SUGCT: variants seen among roughly 807,000 people sequenced by gnomAD.
SUGCT encodes succinyl-CoA:glutarate CoA-transferase.
SUGCT carries 41 observed loss-of-function variants against 55.0 expected under a neutral mutation model. The observed-to-expected ratio is 0.74, with a 90% CI of 0.58 to 0.97. The LOEUF (loss-of-function observed/expected upper bound fraction) is 0.97, where lower values mean the gene tolerates loss of function less well. Among genes scored for constraint, SUGCT ranks in the 50% least tolerant of loss-of-function variants. SUGCT has a pLI of 0.00. For missense variants in SUGCT, 568 were observed against 547.8 expected, an observed-to-expected ratio of 1.04 and a Z score of -0.37; for synonymous variants, 187 against 200.4, an observed-to-expected ratio of 0.93 and a Z score of 0.56.
chr7:40,385,144 T>A (rs1407705630), intron 9 of SUGCT, among the ~76,000 whole-genome samples: 2 of 152,208 alleles, frequency 1.3e-5, no homozygotes, highest in Non-Finnish European at 2.9e-5. Context: ...ACTGCTAGAA[T>A]CCATCATGGC....
chr7:40,677,304 G>A (rs947699880), intron 12 of SUGCT, among the ~76,000 whole-genome samples: 1 of 152,184 alleles, frequency 6.6e-6, no homozygotes, highest in Non-Finnish European at 1.5e-5. Context: ...TCAGCCGTAA[G>A]TGATAGAACA....
intron 6 of SUGCT, among the ~76,000 whole-genome samples, chr7:40,203,249 A>C (rs1436293316): frequency 6.6e-6 from 1 of 152,236 alleles, no homozygotes; most frequent in East Asian, 1.9e-4. Context: ...TGATAAGCTA[A>C]TGGCAGCAAA....
chr7:40,979,439 A>C, the SUGCT span: 53 of 152,436 alleles, frequency 3.5e-4, no homozygotes, highest in African/African-American at 1.2e-3. Flanking sequence ...ACCAGACAAC[A>C]GAAGGCCAGC....
At chr7:40,964,810 G>T in the SUGCT span, 1 of 152,184 alleles carries the variant, frequency 6.6e-6, no homozygotes, top group Non-Finnish European at 1.5e-5. Flanking sequence ...CTGTTAAATT[G>T]GTTTTGGCAG....
intron 13 of SUGCT, among the ~76,000 whole-genome samples, chr7:40,834,899 T>G (rs1246799551): frequency 6.6e-6 from 1 of 152,188 alleles, no homozygotes; most frequent in Non-Finnish European, 1.5e-5. Flanking sequence ...TCCACCCTGC[T>G]CTTCTAGGAG....
intron 12 of SUGCT, among the ~76,000 whole-genome samples, chr7:40,645,396 C>T (rs910974435): frequency 7.9e-5 from 12 of 152,056 alleles, no homozygotes; most frequent in Non-Finnish European, 1.2e-4. Flanking sequence ...TACAAAGGGC[C>T]GGGGACTAAG....
At chr7:40,697,807 C>T (rs920818757) in intron 12 of SUGCT, among the ~76,000 whole-genome samples, 5 of 152,166 alleles carry the variant, frequency 3.3e-5, no homozygotes, top group Non-Finnish European at 7.3e-5. Flanking sequence ...GAGATGATGG[C>T]TCATACTACA....
At chr7:40,235,304 A>G (rs1184539610) in intron 6 of SUGCT, among the ~76,000 whole-genome samples, 3 of 152,000 alleles carry the variant, frequency 2.0e-5, no homozygotes, top group Admixed American at 6.6e-5. Context: ...TTTACTTTTT[A>G]TAGATTGTTT....
At chr7:40,169,023 T>C (rs1784550318) in intron 1 of SUGCT, among the ~76,000 whole-genome samples, 3 of 152,190 alleles carry the variant, frequency 2.0e-5, no homozygotes, top group South Asian at 4.1e-4. Flanking sequence ...AATCTCCTAA[T>C]GGCTTCCTGA....
the SUGCT span, among the ~76,000 whole-genome samples, chr7:40,941,323 A>G: frequency 2.0e-5 from 3 of 151,918 alleles, no homozygotes; most frequent in South Asian, 6.2e-4. Context: ...TCTTGATTTC[A>G]TTGTCAACCC....
chr7:40,314,035 A>G (rs1243425883), intron 8 of SUGCT, among the ~76,000 whole-genome samples: 1 of 152,198 alleles, frequency 6.6e-6, no homozygotes, highest in East Asian at 1.9e-4. Context: ...TCTACTTGCA[A>G]ACAGTTTGAG....
rs1787478379 is a variant in SUGCT at position 40,213,834 on chromosome 7, C to T, written c.484+18774C>T. The stretch of plus-strand genomic sequence containing the variant: ...TTCTCAGCTTTGGCAAAGGGTTGCT[C>T]TTTCAGGTTGACTTTTGTGTCTTTC... On this transcript the variant is annotated intron_variant, in intron 6 of 13. Transcript: ENST00000335693. Among the ~76,000 whole-genome samples the T allele has an allele frequency of 2.0e-5, 3 of 152,138 alleles. No individual in the cohort carries two copies. The South Asian group carries it at 6.2e-4, about 31-fold the overall frequency.
intron 1 of SUGCT, among the ~76,000 whole-genome samples, chr7:40,156,813 G>C (rs1056288260): frequency 2.6e-5 from 4 of 151,974 alleles, no homozygotes; most frequent in African/African-American, 9.7e-5. Flanking sequence ...TCAGGAGTTC[G>C]AGACCAGCCT....
intron 9 of SUGCT, among the ~76,000 whole-genome samples, chr7:40,334,160 C>A (rs1419791916): frequency 2.0e-5 from 3 of 152,022 alleles, no homozygotes; most frequent in African/African-American, 4.8e-5. Context: ...ATTGATGGAC[C>A]TTTGGGTTGG....
chr7:40,249,317 A>ATATCTATATC (rs1562611996), intron 7 of SUGCT, among the ~76,000 whole-genome samples: 1 of 21,528 alleles, frequency 4.6e-5, no homozygotes, highest in African/African-American at 1.0e-4. Context: ...AAAAAGCTAT[A>ATATCTATATC]TATATATATA....
chr7:40,634,829 T>C (rs369412304), intron 12 of SUGCT, among the ~76,000 whole-genome samples: 2 of 152,308 alleles, frequency 1.3e-5, no homozygotes, highest in South Asian at 4.1e-4. Context: ...AAAAAGAGAT[T>C]GTCAAGAGAA....
chr7:40,751,776 T>G (rs1308884962), intron 13 of SUGCT, among the ~76,000 whole-genome samples: 1 of 152,070 alleles, frequency 6.6e-6, no homozygotes, highest in South Asian at 2.1e-4. Context: ...CCCCAACACA[T>G]TAGAGAAAGG....
chr7:40,921,052 C>G, the SUGCT span, among the ~76,000 whole-genome samples: 2 of 152,146 alleles, frequency 1.3e-5, no homozygotes, highest in Non-Finnish European at 2.9e-5. Context: ...GCTCCACACT[C>G]TATGCCTGTA....
intron 13 of SUGCT, among the ~76,000 whole-genome samples, chr7:40,763,356 C>T (rs1253454392): frequency 1.3e-5 from 2 of 152,046 alleles, no homozygotes; most frequent in Non-Finnish European, 2.9e-5. Flanking sequence ...TTAAATAGCC[C>T]GAGGAAGGTC....
Sources: allele counts gnomAD v4.1 joint callset (sites outside exome capture counted in the v4.1 genomes callset), GRCh38; gene constraint gnomAD v4.1.1; transcripts MANE v1.5; gene names NCBI Gene and HGNC (gene_info 2026-07-23, HGNC 2026-07-21).